The following AGAP1 variants were observed in gnomAD, a reference collection of about 807,000 sequenced individuals.
AGAP1 encodes the protein ArfGAP with GTPase domain, ankyrin repeat and PH domain 1.
A neutral mutation model predicts 105.3 loss-of-function variants in AGAP1; 29 were observed. The observed-to-expected ratio is 0.28, with a 90% CI of 0.21 to 0.38. The LOEUF (loss-of-function observed/expected upper bound fraction) is 0.38, where lower values mean the gene tolerates loss of function less well. Ranked by LOEUF, AGAP1 falls within the 10% of genes least tolerant of loss-of-function variation. The pLI is 1.00. For synonymous variants in AGAP1, 509 were observed against 485.9 expected, an observed-to-expected ratio of 1.05 and a Z score of -0.63; for missense variants, 998 against 1,165.1, an observed-to-expected ratio of 0.86 and a Z score of 2.09.
intron 8 of AGAP1, among the ~76,000 whole-genome samples, chr2:235,802,640 A>ATGGTTGTGGTGATGATGATGGTTG (rs1354961313): frequency 1.9e-4 from 29 of 150,284 alleles, no homozygotes; most frequent in African/African-American, 6.6e-4. Flanking sequence ...GGTGGTGATG[A>ATGGTTGTGGTGATGATGATGGTTG]TGGTTGTGGT....
In AGAP1 at chr2:235,787,236, CTA is replaced by C. The variant is rs1956700317; in HGVS notation, c.674-10521_674-10520del. 6.6e-6 allele frequency among the ~76,000 whole-genome samples: 1 copy of C among 152,218 alleles called. No homozygotes were observed. On this transcript the variant is annotated intron_variant, in intron 6 of 17. Coordinates refer to ENST00000304032, the MANE Select transcript of AGAP1 (RefSeq NM_001037131.3). This position sits in a 1 kb window ranked among gnomAD's most constrained non-coding sequence, Gnocchi z 4.4. ...GCTGCTTCCAAACCATGTGGGTTTC[CTA>C]TGTCATGAAAGCTTTTCTTCATCAC...
At chr2:235,833,011 G>C (rs1357326204) in intron 9 of AGAP1, among the ~76,000 whole-genome samples, 1 of 152,208 alleles carries the variant, frequency 6.6e-6, no homozygotes, top group African/African-American at 2.4e-5. Flanking sequence ...TGTGACATCT[G>C]ATGGCCAGGG....
chr2:236,117,629 T>G (rs1559292684), intron 16 of AGAP1, among the ~76,000 whole-genome samples: 1 of 152,200 alleles, frequency 6.6e-6, no homozygotes, highest in Non-Finnish European at 1.5e-5. Context: ...CAAATAGTTG[T>G]GGGATTTTAA....
intron 1 of AGAP1, among the ~76,000 whole-genome samples, chr2:235,500,391 A>G (rs1390680913): frequency 6.6e-6 from 1 of 152,168 alleles, no homozygotes; most frequent in African/African-American, 2.4e-5. Flanking sequence ...AGCAGGACGC[A>G]CGAATGTGCC....
At chr2:235,657,114 C>T (rs983750279) in intron 1 of AGAP1, among the ~76,000 whole-genome samples, 2 of 152,174 alleles carry the variant, frequency 1.3e-5, no homozygotes. Context: ...CCATGAGGGA[C>T]TCTCTGCTTC....
rs534007752 is a variant in AGAP1, at chr2:236,012,033, A to G, written c.1646-24528A>G. Among the ~76,000 whole-genome samples, 77 of 152,294 alleles carry G rather than the reference A, an allele frequency of 5.1e-4. No individual in the cohort carries two copies. The highest frequency in any genetic ancestry group is 1.7e-3 in the African/African-American group (69 of 41,560). On this transcript the variant is annotated intron_variant, in intron 13 of 17. Transcript: ENST00000304032. The surrounding 1 kb of genome is among the most constrained non-coding windows in gnomAD (Gnocchi z 4.9). The stretch of plus-strand genomic sequence containing the variant: ...TAAACAAGGGAACTTAGAGCAATCA[A>G]TGCCCCCGGAGACCGATGCACATAT...
intron 6 of AGAP1, among the ~76,000 whole-genome samples, chr2:235,783,967 C>CGGACGGACGGACGGAT (rs1246480236): frequency 2.2e-5 from 2 of 89,220 alleles, no homozygotes; most frequent in Non-Finnish European, 5.5e-5. Flanking sequence ...ATGAAATGGA[C>CGGACGGACGGACGGAT]GGACGGACGG....
Position 235,870,561 on chromosome 2 carries a change from G to T in AGAP1, c.1051-12784G>T, listed in dbSNP as rs184589582. On this transcript the variant is annotated intron_variant, in intron 9 of 17. Coordinates refer to ENST00000304032, the MANE Select transcript of AGAP1 (RefSeq NM_001037131.3). The stretch of plus-strand genomic sequence containing the variant: ...GAATCACTTGAACCTGAGAGGTGGA[G>T]GTTGTGGTGAGCTGAGGTTGCACCA... 3.3e-5 allele frequency among the ~76,000 whole-genome samples: 5 copies of T among 152,280 alleles called. No individual in the cohort carries two copies. In the East Asian group the frequency reaches 9.6e-4, roughly 29 times the overall value.
Position 236,014,908 on chromosome 2 carries a change from C to G in AGAP1, c.1646-21653C>G, listed in dbSNP as rs759081541. 1 of 384,614 alleles carries G rather than the reference C, an allele frequency of 2.6e-6. No homozygotes were observed. The highest frequency in any genetic ancestry group is 2.0e-5 in the South Asian group (1 of 51,100). The allele number at this position is 384,614 out of a possible 1,614,324, so 23.8% of individuals were successfully genotyped here. ...ACGCCTCCGCACCTCCACCCGCCCA[C>G]ACCTCCACCTGCCTCTTCCCCTCTC... On this transcript the variant is annotated intron_variant, in intron 13 of 17. Transcript: ENST00000304032. The surrounding 1 kb of genome is among the most constrained non-coding windows in gnomAD (Gnocchi z 6.3).
rs2058289705 is a variant in AGAP1, at chr2:236,064,381, G to A, written c.2114+15100G>A. On this transcript the variant is annotated intron_variant, in intron 16 of 17. Transcript: ENST00000304032. Reference sequence around the variant, plus strand: ...CGAGGTGGGTGGATCACTTGAGGTTGGGAGTTTGAGACCTGCCTGGCCAAC... The same window carrying A: ...CGAGGTGGGTGGATCACTTGAGGTTAGGAGTTTGAGACCTGCCTGGCCAAC... Among the ~76,000 whole-genome samples, 4 of 152,242 alleles carry A rather than the reference G, an allele frequency of 2.6e-5. No homozygotes were observed. In the South Asian group the frequency reaches 8.3e-4, roughly 32 times the overall value.
At chr2:235,767,816 G>A (rs1955097473) in intron 6 of AGAP1, among the ~76,000 whole-genome samples, 1 of 117,972 alleles carries the variant, frequency 8.5e-6, no homozygotes, top group South Asian at 2.8e-4. Flanking sequence ...ACACAGTCTC[G>A]CTCTGTCGCC....
chr2:235,699,604 C>T (rs1042013368), intron 1 of AGAP1, among the ~76,000 whole-genome samples: 1 of 152,202 alleles, frequency 6.6e-6, no homozygotes, highest in Non-Finnish European at 1.5e-5. Context: ...TGAAGCACCA[C>T]ATCCAAATTG....
chr2:235,564,482 C>T (rs1289234269), intron 1 of AGAP1, among the ~76,000 whole-genome samples: 2 of 152,244 alleles, frequency 1.3e-5, no homozygotes, highest in Non-Finnish European at 2.9e-5. Flanking sequence ...CTGAGTATAT[C>T]TTCAAGTGCT....
rs142982485 is a variant in AGAP1 at position 235,535,837 on chromosome 2, G to A, written c.163+40988G>A. 1.6e-4 allele frequency among the ~76,000 whole-genome samples: 25 copies of A among 152,156 alleles called. No individual in the cohort carries two copies. The highest frequency in any genetic ancestry group is 3.6e-4 in the African/African-American group (15 of 41,508). On this transcript the variant is annotated intron_variant, in intron 1 of 17. Coordinates refer to ENST00000304032, the MANE Select transcript of AGAP1 (RefSeq NM_001037131.3). This position sits in a 1 kb window ranked among gnomAD's most constrained non-coding sequence, Gnocchi z 5.1. ...CTCTGCTTTCCAGAACCTTCTGGGA[G>A]TGGCAGACACACATTAGGAGTCCAC...
At chr2:235,681,378 C>T (rs1448203320) in intron 1 of AGAP1, among the ~76,000 whole-genome samples, 1 of 152,142 alleles carries the variant, frequency 6.6e-6, no homozygotes, top group African/African-American at 2.4e-5. Flanking sequence ...TGCACTAGAG[C>T]GTGACTACAA....
At position 235,994,578 on chromosome 2, in the gene AGAP1, C is replaced by T. The variant is rs552151483; in HGVS notation, c.1645+25955C>T. Among the ~76,000 whole-genome samples, 8 of 152,026 alleles carry T rather than the reference C, an allele frequency of 5.3e-5. No individual in the cohort carries two copies. Among genetic ancestry groups the T allele is most frequent in the African/African-American group, 1.9e-4 (8 of 41,494 alleles). ...GAGGTTACTTTCTACCAAACTGTTT[C>T]CTAATTGCACTCCCTGCATTGTCTT... On this transcript the variant is annotated intron_variant, in intron 13 of 17. Transcript: ENST00000304032. The surrounding 1 kb of genome is among the most constrained non-coding windows in gnomAD (Gnocchi z 4.4).
rs1316341728 is a variant in AGAP1, at chr2:235,908,936, C to T, written c.1324+30C>T. On this transcript the variant is annotated intron_variant, in intron 11 of 17. Transcript: ENST00000304032. The surrounding 1 kb of genome is among the most constrained non-coding windows in gnomAD (Gnocchi z 4.4). ...GCTTACAGCAAATGCACTAACAAAT[C>T]AAGTTCAACAGCAACAGGTGGTCCA... is the stretch of plus-strand genomic sequence containing the variant. The T allele has an allele frequency of 1.9e-6, 3 of 1,591,220 alleles. No homozygotes were observed. Among genetic ancestry groups the T allele is most frequent in the Admixed American group, 3.4e-5 (2 of 59,102 alleles).
chr2:236,084,145 GT>G (rs1256606418), intron 16 of AGAP1, among the ~76,000 whole-genome samples: 2 of 151,986 alleles, frequency 1.3e-5, no homozygotes, highest in South Asian at 2.1e-4. Context: ...GTTCCCTCCT[GT>G]CTTGGAGTGG....
intron 13 of AGAP1, among the ~76,000 whole-genome samples, chr2:235,999,302 ATGGTGATGGTGGTGG>A (rs1336143398): frequency 1.8e-4 from 7 of 39,476 alleles, no homozygotes; most frequent in African/African-American, 1.6e-3. Flanking sequence ...GGTGGTGGTG[ATGGTGATGGTGGTGG>A]TGGTGGTGGT....
Sources: allele counts gnomAD v4.1 joint callset (sites outside exome capture counted in the v4.1 genomes callset), GRCh38; gene constraint gnomAD v4.1.1; non-coding constraint Gnocchi (gnomAD v3.1); transcripts MANE v1.5; gene names NCBI Gene and HGNC (gene_info 2026-07-23, HGNC 2026-07-21).